Variants in EXOC7 observed in about 807,000 individuals in gnomAD.
EXOC7 encodes exocyst complex component Exo70.
In EXOC7, 51 loss-of-function variants were observed where a neutral mutation model predicts 87.6. That is an observed-to-expected ratio of 0.58 (90% CI 0.46 to 0.73). EXOC7 has a LOEUF of 0.73. EXOC7 is among the 30% of genes least tolerant of loss of function. The pLI, the probability that EXOC7 is intolerant of heterozygous loss-of-function variation, is 0.00. For synonymous variants in EXOC7, 327 were observed against 357.1 expected, an observed-to-expected ratio of 0.92 and a Z score of 0.95; for missense variants, 744 against 888.4, an observed-to-expected ratio of 0.84 and a Z score of 2.07.
chr17:76,087,515 C>A (rs959247849), intron 12 of EXOC7, 139 bp downstream of exon 12: 1 of 803,124 alleles, frequency 1.2e-6, no homozygotes, highest in Admixed American at 2.5e-5. Flanking sequence ...TGATGCTCAG[C>A]CCCAGGGACC....
In EXOC7 at chr17:76,085,740, T is replaced by A; in HGVS notation, c.1553A>T (p.Asp518Val). 1 of 1,614,032 alleles carries A rather than the reference T, an allele frequency of 6.2e-7. No homozygotes were observed. Among genetic ancestry groups the A allele is most frequent in the Non-Finnish European group, 8.5e-7 (1 of 1,180,006 alleles). Residue 518 changes from aspartate to valine, a missense_variant, in exon 14 of 19, where the codon GAC becomes GTC. This residue lies in a region of EXOC7 where 228 missense variants were observed against 298.6 expected (regional missense o/e 0.76). Transcript: ENST00000589210. ...NLLSKSKVYE[D>V]PALSAIFLHN... ...CAGGAAGATGGCGCTCAGAGCTGGGTCCTCGTACACCTTGGACTTGCTCAG... is the reference window on the plus strand; with the variant it reads ...CAGGAAGATGGCGCTCAGAGCTGGGACCTCGTACACCTTGGACTTGCTCAG...
At chr17:76,094,268 C>T in intron 6 of EXOC7, 146 bp downstream of exon 6, 2 of 827,940 alleles carry the variant, frequency 2.4e-6, no homozygotes, top group South Asian at 4.0e-5. Context: ...TAGACACTTG[C>T]TTTCTGTCCT....
intron 4 of EXOC7, among the ~76,000 whole-genome samples, chr17:76,100,524 T>C (rs2068006790): frequency 6.7e-6 from 1 of 150,328 alleles, no homozygotes; most frequent in Non-Finnish European, 1.5e-5. Context: ...TCCCAGCTAC[T>C]CAGGAGGCTG....
intron 6 of EXOC7, among the ~76,000 whole-genome samples, chr17:76,092,158 C>T (rs1296225878): frequency 6.6e-6 from 1 of 152,008 alleles, no homozygotes; most frequent in Non-Finnish European, 1.5e-5. Context: ...CCCACCCCCA[C>T]AGTCTATCTG....
At chr17:76,102,433 C>G (rs1054763761) in intron 2 of EXOC7, among the ~76,000 whole-genome samples, 15 of 144,896 alleles carry the variant, frequency 1.0e-4, no homozygotes, top group African/African-American at 3.3e-4. Flanking sequence ...CACACACACA[C>G]ACACACACAC....
Position 76,083,737 on chromosome 17 carries a change from GCA to G in EXOC7, c.1964_1965del (p.Val655AlafsTer59). 6.2e-7 allele frequency: 1 copy of G among 1,613,150 alleles called. No homozygotes were observed. The highest frequency in any genetic ancestry group is 1.8e-4 in the Middle Eastern group (1 of 5,464). On this transcript the variant is annotated frameshift_variant, in exon 19 of 19. Coordinates refer to ENST00000589210, the MANE Select transcript of EXOC7 (RefSeq NM_001013839.4). LOFTEE classifies it high-confidence loss of function. Reference protein sequence around the residue: ...YGAFLQKFGSVPFTKNPEKYI... With the variant: ...YGAFLQKFGSXPFTKNPEKYI... Reference sequence around the variant, plus strand: ...TACTTCTCCGGGTTCTTGGTGAAGGGCACGCTGCCAAACCTGAGGAGGCACTG... The same window carrying G: ...TACTTCTCCGGGTTCTTGGTGAAGGGCGCTGCCAAACCTGAGGAGGCACTG...
At chr17:76,098,628 G>A (rs554390569) in intron 4 of EXOC7, among the ~76,000 whole-genome samples, 37 of 151,668 alleles carry the variant, frequency 2.4e-4, no homozygotes, top group South Asian at 1.7e-3. Context: ...TTGGGAGGCC[G>A]AGGCGGGCAG....
At chr17:76,085,868 G>A (rs918585513) in intron 13 of EXOC7, 71 bp from the exon 14 acceptor site, 44 of 1,572,624 alleles carry the variant, frequency 2.8e-5, no homozygotes, top group Middle Eastern at 3.4e-4. Context: ...CAGGACCCGC[G>A]AACGCGCTCC....
intron 4 of EXOC7, among the ~76,000 whole-genome samples, chr17:76,099,160 A>T (rs1054961481): frequency 6.6e-6 from 1 of 152,208 alleles, no homozygotes; most frequent in Non-Finnish European, 1.5e-5. Context: ...TATTCACAAG[A>T]GACAAAAATT....
intron 7 of EXOC7, 24 bp from the exon 8 acceptor site, chr17:76,089,344 G>A (rs1245399208): frequency 2.5e-6 from 4 of 1,611,582 alleles, no homozygotes; most frequent in Non-Finnish European, 2.5e-6. Flanking sequence ...CAACTCTTGA[G>A]CTGCTGGTCT....
chr17:76,081,630 G>T lies in EXOC7; in HGVS notation c.*2018C>A, dbSNP rs777359611. 6.2e-7 allele frequency: 1 copy of T among 1,614,128 alleles called. No individual in the cohort carries two copies. The highest frequency in any genetic ancestry group is 8.5e-7 in the Non-Finnish European group (1 of 1,180,044). ...CTGCTGTTGGCTGACGTGTGCGGGG[G>T]GTTGCTGCCCCTCCGGGCCATTGAG... On this transcript the variant is annotated 3_prime_UTR_variant, in exon 19 of 19. Coordinates refer to ENST00000589210, the MANE Select transcript of EXOC7 (RefSeq NM_001013839.4).
chr17:76,101,872 G>C lies in EXOC7; in HGVS notation c.127-9C>G. On this transcript the variant is annotated splice_polypyrimidine_tract_variant and intron_variant, in intron 2 of 18. Transcript: ENST00000589210. Reference sequence around the variant, plus strand: ...GATGATAAGATAGACACCTGCGGGAGGGAAGCCTCTTGATCTTGGGACTCA... The same window carrying C: ...GATGATAAGATAGACACCTGCGGGACGGAAGCCTCTTGATCTTGGGACTCA... The C allele has an allele frequency of 6.2e-7, 1 of 1,605,840 alleles. No individual in the cohort carries two copies. Among genetic ancestry groups the C allele is most frequent in the African/African-American group, 1.3e-5 (1 of 74,880 alleles).
chr17:76,101,494 C>A (rs952086726), intron 3 of EXOC7, 118 bp from the exon 4 acceptor site: 13 of 1,433,994 alleles, frequency 9.1e-6, no homozygotes, highest in Non-Finnish European at 1.0e-5. Flanking sequence ...TATATTCTAT[C>A]CCCCCACTGC....
At chr17:76,088,173 T>G in intron 10 of EXOC7, 51 bp from the exon 11 acceptor site, 1 of 1,567,644 alleles carries the variant, frequency 6.4e-7, no homozygotes, top group East Asian at 2.3e-5. Flanking sequence ...GCCCACCCCA[T>G]GCCCCAGTGC....
chr17:76,083,635 G>T lies in EXOC7; in HGVS notation c.*13C>A. Reference sequence around the variant, plus strand: ...CGCCAGTCTGGTGGAACCAGGCAGGGCTAGCAGCAGGCTCAGGCAGAGGTG... The same window carrying T: ...CGCCAGTCTGGTGGAACCAGGCAGGTCTAGCAGCAGGCTCAGGCAGAGGTG... On this transcript the variant is annotated 3_prime_UTR_variant, in exon 19 of 19. Coordinates refer to ENST00000589210, the MANE Select transcript of EXOC7 (RefSeq NM_001013839.4). 6.2e-7 allele frequency: 1 copy of T among 1,612,868 alleles called. No homozygotes were observed. Among genetic ancestry groups the T allele is most frequent in the Non-Finnish European group, 8.5e-7 (1 of 1,179,068 alleles).
intron 14 of EXOC7, 73 bp downstream of exon 14, chr17:76,085,604 G>A (rs1440620895): frequency 1.4e-5 from 22 of 1,609,404 alleles, no homozygotes; most frequent in Non-Finnish European, 1.9e-5. Flanking sequence ...GAGCCCAGGG[G>A]GGCAGGGGCT....
At chr17:76,100,737 A>G (rs2068018759) in intron 4 of EXOC7, among the ~76,000 whole-genome samples, 1 of 152,200 alleles carries the variant, frequency 6.6e-6, no homozygotes, top group South Asian at 2.1e-4. Context: ...TCACGCCTGT[A>G]ATCCCAGGCC....
intron 7 of EXOC7, chr17:76,089,588 C>T (rs879686758): frequency 2.7e-5 from 14 of 526,886 alleles, no homozygotes; most frequent in African/African-American, 1.1e-4. Flanking sequence ...AGGAGAGTGA[C>T]GGATGGAAAG....
In EXOC7 at chr17:76,085,370, A is replaced by T. The variant is rs2067165406; in HGVS notation, c.1656T>A (p.Thr552=). 3 of 1,610,704 alleles carry T rather than the reference A, an allele frequency of 1.9e-6. No individual in the cohort carries two copies. The highest frequency in any genetic ancestry group is 2.5e-6 in the Non-Finnish European group (3 of 1,179,146). Residue 552 remains threonine, a synonymous_variant, in exon 15 of 19, where the codon ACT becomes ACA. Coordinates refer to ENST00000589210, the MANE Select transcript of EXOC7 (RefSeq NM_001013839.4). The part of the protein sequence containing the change: ...LIQLVAVTQK[T]AERSYREHIE... ...TGTGCTCCCGGTAGGAGCGCTCAGC[A>T]GTCTTCTGTGTCACTGCCACCAGCT...
Sources: gnomAD v4.1 joint callset for allele counts (sites outside exome capture counted in the v4.1 genomes callset) on GRCh38, gnomAD v4.1.1 for gene constraint, gnomAD v4.1.1 regional missense constraint, MANE v1.5 for transcripts, NCBI Gene and HGNC (gene_info 2026-07-23, HGNC 2026-07-21) for gene names.